The following AKAP13 variants were observed in gnomAD, a reference collection of about 807,000 sequenced individuals.
The protein encoded by AKAP13 is A-kinase anchoring protein 13.
Under a neutral mutation model 264.5 loss-of-function variants are expected in AKAP13, and 80 were observed. The ratio of observed to expected loss-of-function variants is 0.30; its 90% CI spans 0.25 to 0.36. The LOEUF (loss-of-function observed/expected upper bound fraction) is 0.36, where lower values mean the gene tolerates loss of function less well. Ranked by LOEUF, AKAP13 falls within the 10% of genes least tolerant of loss-of-function variation. The probability of loss-of-function intolerance (pLI) is 1.00; values close to 1 mark genes in which losing one functional copy is unlikely to be tolerated. For synonymous variants in AKAP13, 1,380 were observed against 1,250.2 expected (o/e 1.10, Z -2.19); for missense variants, 3,712 against 3,435.2 (o/e 1.08, Z -2.01).
chr15:85,478,245 T>G (rs2075239797), intron 1 of AKAP13, among the ~76,000 whole-genome samples: 1 of 152,220 alleles, frequency 6.6e-6, no homozygotes, highest in African/African-American at 2.4e-5. Flanking sequence ...TGAAATTATC[T>G]CCCTTTATTG....
intron 8 of AKAP13, among the ~76,000 whole-genome samples, chr15:85,593,362 G>A (rs1172807092): frequency 2.0e-5 from 3 of 151,466 alleles, no homozygotes; most frequent in Non-Finnish European, 2.9e-5. Context: ...CAAAACTGAG[G>A]ATATCTTACA....
intron 2 of AKAP13, among the ~76,000 whole-genome samples, chr15:85,511,725 C>G (rs1051670757): frequency 6.6e-6 from 1 of 152,134 alleles, no homozygotes; most frequent in East Asian, 1.9e-4. Flanking sequence ...TCTCCTGGCT[C>G]AAGAGATCCT....
chr15:85,658,716 A>G, intron 12 of AKAP13, 126 bp downstream of exon 12: 1 of 666,396 alleles, frequency 1.5e-6, no homozygotes, highest in Middle Eastern at 3.3e-4. Context: ...TAATTCAGGC[A>G]AATAAAATAT....
rs559302461 is a variant in AKAP13, at chr15:85,485,653, A to C, written c.-11-57A>C. ...TGACACCTAGGACTTTAGGTGGCTT[A>C]TATATTTTCGGTGACAACTTTTAAT... is the stretch of plus-strand genomic sequence containing the variant. On this transcript the variant is annotated intron_variant, in intron 1 of 36. Coordinates refer to ENST00000394518, the MANE Select transcript of AKAP13 (RefSeq NM_007200.5). The C allele has an allele frequency of 5.7e-5, 86 of 1,520,194 alleles. No individual in the cohort carries two copies. The South Asian group carries it at 6.7e-4, about 12-fold the overall frequency. The allele number at this position is 1,520,194 out of a possible 1,614,324, so 94.2% of individuals were successfully genotyped here.
intron 1 of AKAP13, among the ~76,000 whole-genome samples, chr15:85,440,282 C>G (rs1287134723): frequency 6.6e-6 from 1 of 152,178 alleles, no homozygotes; most frequent in African/African-American, 2.4e-5. Flanking sequence ...TAGACTTGTT[C>G]ACACAACTTT....
chr15:85,524,401 C>G (rs2076943957), intron 3 of AKAP13, among the ~76,000 whole-genome samples: 1 of 152,034 alleles, frequency 6.6e-6, no homozygotes, highest in Non-Finnish European at 1.5e-5. Flanking sequence ...GTCTTGAACT[C>G]CTGACCTCGT....
chr15:85,677,417 T>C (rs1273184555), intron 14 of AKAP13, among the ~76,000 whole-genome samples: 4 of 152,172 alleles, frequency 2.6e-5, no homozygotes, highest in Non-Finnish European at 5.9e-5. Context: ...TAATACTGTA[T>C]GCTAATTTCA....
intron 12 of AKAP13, among the ~76,000 whole-genome samples, chr15:85,662,984 C>T (rs1204543299): frequency 6.6e-6 from 1 of 152,204 alleles, no homozygotes; most frequent in African/African-American, 2.4e-5. Flanking sequence ...TTCTTCTTCA[C>T]TTAGCCCCTC....
intron 8 of AKAP13, among the ~76,000 whole-genome samples, chr15:85,633,268 T>C (rs887166168): frequency 6.6e-6 from 1 of 152,162 alleles, no homozygotes. Flanking sequence ...TTCCACATTC[T>C]TTACTTATCA....
chr15:85,664,568 G>A lies in AKAP13; in HGVS notation c.4805G>A (p.Ser1602Asn). 6.2e-7 allele frequency: 1 copy of A among 1,610,972 alleles called. No individual in the cohort carries two copies. Among genetic ancestry groups the A allele is most frequent in the Non-Finnish European group, 8.5e-7 (1 of 1,178,156 alleles). Residue 1602 changes from serine to asparagine, a missense_variant, in exon 13 of 37, where the codon AGT (serine) becomes AAT (asparagine). This residue lies in a region of AKAP13 where 2,759 missense variants were observed against 2,411.7 expected (regional missense o/e 1.14). Coordinates refer to ENST00000394518, the MANE Select transcript of AKAP13 (RefSeq NM_007200.5). ...CTTTTGTGCCCTATGTTCAGTTTCA[G>A]TCTAGAAGGCTTGACAGGAGGAGCT... is the stretch of plus-strand genomic sequence containing the variant. ...RRPPIHRRSFSLEGLTGGAGV... is the reference protein window; with the variant it reads ...RRPPIHRRSFNLEGLTGGAGV...
intron 1 of AKAP13, among the ~76,000 whole-genome samples, chr15:85,400,716 G>A (rs1470071178): frequency 6.6e-6 from 1 of 151,982 alleles, no homozygotes; most frequent in African/African-American, 2.4e-5. Context: ...GCTGTGTAAG[G>A]TGATCTCTTG....
chr15:85,578,887 T>C (rs1311265078), intron 6 of AKAP13, 43 bp from the exon 7 acceptor site: 2 of 1,574,098 alleles, frequency 1.3e-6, no homozygotes, highest in Admixed American at 1.8e-5. Context: ...TGACATCTTC[T>C]CCTACAGGCA....
chr15:85,524,166 G>T (rs1025098651), intron 3 of AKAP13, among the ~76,000 whole-genome samples: 5 of 151,268 alleles, frequency 3.3e-5, no homozygotes, highest in African/African-American at 1.2e-4. Context: ...AGAGCTTTGT[G>T]TCTTGTTCTT....
intron 9 of AKAP13, among the ~76,000 whole-genome samples, chr15:85,644,044 C>T (rs139316067): frequency 1.1e-4 from 17 of 152,180 alleles, no homozygotes; most frequent in Non-Finnish European, 1.9e-4. Context: ...CTTGTACTGT[C>T]AGTTCCTTTT....
intron 1 of AKAP13, among the ~76,000 whole-genome samples, chr15:85,425,603 C>G (rs1421988472): frequency 6.6e-6 from 1 of 151,610 alleles, no homozygotes; most frequent in Admixed American, 6.6e-5. Context: ...GTAATCCCAT[C>G]TACTCGGGAG....
At chr15:85,517,609 TG>T (rs1401216410) in intron 2 of AKAP13, among the ~76,000 whole-genome samples, 1 of 152,198 alleles carries the variant, frequency 6.6e-6, no homozygotes, top group Non-Finnish European at 1.5e-5. Context: ...TACTTCAGGA[TG>T]GGGAAAAGTG....
In AKAP13 at chr15:85,563,679, T is replaced by C. The variant is rs577173837; in HGVS notation, c.663-11452T>C. ...ATTATATAAGGGGGAGAGCACAGGC[T>C]TTGGGAGCAGCCCAACCTGGATTCA... On this transcript the variant is annotated intron_variant, in intron 5 of 36. Coordinates refer to ENST00000394518, the MANE Select transcript of AKAP13 (RefSeq NM_007200.5). Among the ~76,000 whole-genome samples, 6 of 152,304 alleles carry C rather than the reference T, an allele frequency of 3.9e-5. No homozygotes were observed. The South Asian group carries it at 1.2e-3, about 32-fold the overall frequency.
intron 3 of AKAP13, among the ~76,000 whole-genome samples, chr15:85,526,255 T>C (rs2077037094): frequency 6.6e-6 from 1 of 151,958 alleles, no homozygotes; most frequent in Non-Finnish European, 1.5e-5. Context: ...TTTTTCTTTC[T>C]CTCTTTTTTT....
At chr15:85,417,775 A>G (rs56790678) in intron 1 of AKAP13, among the ~76,000 whole-genome samples, 2 of 152,294 alleles carry the variant, frequency 1.3e-5, no homozygotes, top group African/African-American at 2.4e-5. Context: ...AGATGGAGAA[A>G]TGCAGCTTAT....
Sources: allele counts gnomAD v4.1 joint callset (sites outside exome capture counted in the v4.1 genomes callset), GRCh38; gene constraint gnomAD v4.1.1; regional missense constraint gnomAD v4.1.1; transcripts MANE v1.5; gene names NCBI Gene and HGNC (gene_info 2026-07-23, HGNC 2026-07-21).